The following FSCN2 variants were observed in gnomAD, a reference collection of about 807,000 sequenced individuals.
FSCN2 encodes fascin-2.
A neutral mutation model predicts 37.8 loss-of-function variants in FSCN2; 46 were observed. The ratio of observed to expected loss-of-function variants is 1.22; its 90% CI spans 0.96 to 1.56. The LOEUF is 1.56. Ranked by LOEUF, FSCN2 falls within the 40% of genes most tolerant of loss-of-function variation. The pLI, the probability that FSCN2 is intolerant of heterozygous loss-of-function variation, is 0.00. For missense variants in FSCN2, 844 were observed against 730.4 expected (o/e 1.16, Z -1.79); for synonymous variants, 351 against 309.4 (o/e 1.13, Z -1.41).
intron 1 of FSCN2, 110 bp from the exon 2 acceptor site, chr17:81,534,939 AGGG>A: frequency 1.5e-6 from 1 of 682,356 alleles, no homozygotes; most frequent in Non-Finnish European, 2.3e-6. Flanking sequence ...TCAAGTCAAG[AGGG>A]TTCTAGATGA....
chr17:81,531,171 G>GGTGA (rs1568076749), intron 1 of FSCN2, among the ~76,000 whole-genome samples: 2 of 146,580 alleles, frequency 1.4e-5, no homozygotes, highest in African/African-American at 2.6e-5. Context: ...GATGATGGTG[G>GGTGA]TGATGGTGAT....
At chr17:81,517,834 T>C in the FSCN2 span, among the ~76,000 whole-genome samples, 1,033 of 133,216 alleles carry the variant, frequency 7.8e-3, 10 homozygotes, top group African/African-American at 0.027. Flanking sequence ...CCCCTCAGGG[T>C]GGTTCTTAGC....
At position 81,528,985 on chromosome 17, in the gene FSCN2, G is replaced by C; in HGVS notation, c.454G>C (p.Val152Leu). 3 of 1,584,492 alleles carry C rather than the reference G, an allele frequency of 1.9e-6. No individual in the cohort carries two copies. The highest frequency in any genetic ancestry group is 1.7e-6 in the Non-Finnish European group (2 of 1,170,226). The change falls in exon 1 of 5, where the codon GTG becomes CTG. Residue 152 changes from valine to leucine, a missense_variant. Transcript: ENST00000417245. ...HLLSVSRRRY[V>L]HLCPREDEMA... The stretch of plus-strand genomic sequence containing the variant: ...GCTGAGCGTGAGCCGGCGGCGCTAC[G>C]TGCACCTGTGCCCGCGGGAGGACGA...
At chr17:81,533,381 G>A (rs1799257352) in intron 1 of FSCN2, among the ~76,000 whole-genome samples, 1 of 152,186 alleles carries the variant, frequency 6.6e-6, no homozygotes, top group Non-Finnish European at 1.5e-5. Context: ...GAGAGCCCTG[G>A]GCATGGTGGG....
chr17:81,530,737 A>T (rs2032523317), intron 1 of FSCN2: 1 of 389,292 alleles, frequency 2.6e-6, no homozygotes. Flanking sequence ...GTGCATGGAG[A>T]GGGGAGCCCA....
chr17:81,531,797 GATAATGGTGATGA>G (rs2032637414), intron 1 of FSCN2, among the ~76,000 whole-genome samples: 4 of 76,610 alleles, frequency 5.2e-5, no homozygotes, highest in East Asian at 2.4e-3. Context: ...TGGTGATGAT[GATAATGGTGATGA>G]TGGTGGTGGT....
chr17:81,525,427 A>G (rs1453398381), upstream of FSCN2, among the ~76,000 whole-genome samples: 1 of 145,440 alleles, frequency 6.9e-6, no homozygotes, highest in Non-Finnish European at 1.5e-5. Context: ...CTCTGTCTCA[A>G]AAAAAAAAAA....
At chr17:81,536,020 G>C (rs2032865416) in intron 2 of FSCN2, 126 bp from the exon 3 acceptor site, 1 of 1,187,784 alleles carries the variant, frequency 8.4e-7, no homozygotes, top group Non-Finnish European at 1.2e-6. Context: ...GCGCCTGATG[G>C]TGGTGGGTGT....
chr17:81,528,907 TC>T lies in FSCN2; in HGVS notation c.380del (p.Pro127ArgfsTer18). 1.9e-6 allele frequency: 3 copies of T among 1,587,590 alleles called. No homozygotes were observed. The highest frequency in any genetic ancestry group is 1.7e-5 in the Admixed American group (1 of 57,958). ...DQLSCFATAV[S>X]PAELWTVHLA... ...GCTGTCCTGCTTCGCCACAGCCGTT[TC>T]CCCGGCCGAGCTGTGGACCGTGCAC... On this transcript the variant is annotated frameshift_variant, in exon 1 of 5. Transcript: ENST00000417245. LOFTEE classifies it high-confidence loss of function.
rs1470435605 is a variant in FSCN2, at chr17:81,531,938, AATGGTGATGATG to A, written c.826+2591_826+2602del. On this transcript the variant is annotated intron_variant, in intron 1 of 4. Coordinates refer to ENST00000417245, the MANE Select transcript of FSCN2 (RefSeq NM_012418.4). ...TGATGGTGATGGTGATAGTGATGAT[AATGGTGATGATG>A]ATGGTGATGGTGATAGTGATGATAA... Among the ~76,000 whole-genome samples the A allele has an allele frequency of 7.1e-4, 22 of 30,798 alleles. No homozygotes were observed. The East Asian group carries it at 0.026, about 36-fold the overall frequency. The allele number at this position is 30,798 out of a possible 152,430, so 20.2% of individuals were successfully genotyped here. A position where few individuals can be genotyped will look rare whatever the true frequency, so the allele number is the denominator to read the frequency against.
the FSCN2 span, among the ~76,000 whole-genome samples, chr17:81,522,542 C>T: frequency 6.6e-6 from 1 of 152,230 alleles, no homozygotes; most frequent in African/African-American, 2.4e-5. Context: ...CTTTCCTTTC[C>T]CCAGCACGGT....
chr17:81,519,518 C>T, the FSCN2 span, among the ~76,000 whole-genome samples: 1 of 152,144 alleles, frequency 6.6e-6, no homozygotes, highest in Non-Finnish European at 1.5e-5. Flanking sequence ...CCACCTGGGC[C>T]GCCAGGTGGG....
rs1386316260 is a variant in FSCN2 at position 81,536,981 on chromosome 17, C to T, written c.1380C>T (p.Ala460=). The T allele has an allele frequency of 2.6e-6, 4 of 1,534,982 alleles. No individual in the cohort carries two copies. The highest frequency in any genetic ancestry group is 2.0e-5 in the Admixed American group (1 of 50,290). ...VFEFRERGRL[A]IRARSGKYLR... ...AGTTCCGTGAGCGCGGCCGCCTGGC[C>T]ATCCGCGCCCGGAGCGGCAAGTACC... The change falls in exon 5 of 5, where the codon GCC becomes GCT. Residue 460 remains alanine (A), a synonymous_variant. Transcript: ENST00000417245.
chr17:81,524,892 T>TACACACACAC (rs1598564527), upstream of FSCN2, among the ~76,000 whole-genome samples: 1 of 22,114 alleles, frequency 4.5e-5, no homozygotes, highest in South Asian at 2.0e-3. Context: ...CATGAGCACC[T>TACACACACAC]TCACACACAC....
rs2032887912 is a variant in FSCN2, at chr17:81,536,631, A to G, written c.1115A>G (p.Glu372Gly). Residue 372 changes from glutamate to glycine, a missense_variant, in exon 4 of 5, where the codon GAA becomes GGA. Transcript: ENST00000417245. The part of the protein sequence containing the change: ...AAISDFVGKD[E>G]EFTLKLINRP... ...ACGCTCTCCCCGCCAGGCAAGGACG[A>G]AGAGTTCACCCTCAAGCTCATCAAC... The G allele has an allele frequency of 7.5e-6, 12 of 1,609,988 alleles. No individual in the cohort carries two copies. The highest frequency in any genetic ancestry group is 1.0e-5 in the Non-Finnish European group (12 of 1,179,688).
chr17:81,529,454 CTG>C, intron 1 of FSCN2, 97 bp downstream of exon 1: 2 of 967,282 alleles, frequency 2.1e-6, no homozygotes, highest in African/African-American at 1.6e-5. Flanking sequence ...GGTATCGTGT[CTG>C]TGCGTTCACA....
At chr17:81,532,227 A>G (rs572993560) in intron 1 of FSCN2, among the ~76,000 whole-genome samples, 3,636 of 103,320 alleles carry the variant, frequency 0.035, 74 homozygotes, top group Non-Finnish European at 0.048. Flanking sequence ...GGTGATGATG[A>G]TAATGGTGAT....
intron 1 of FSCN2, among the ~76,000 whole-genome samples, chr17:81,532,858 C>T (rs143351497): frequency 0.74 from 113,085 of 151,862 alleles, 42,653 homozygotes; most frequent in Non-Finnish European, 0.81. Context: ...TGCATCTGAC[C>T]CTATCATCCC....
intron 1 of FSCN2, among the ~76,000 whole-genome samples, chr17:81,533,763 C>T (rs1025744745): frequency 6.6e-6 from 1 of 152,226 alleles, no homozygotes; most frequent in South Asian, 2.1e-4. Context: ...GCCATGTCCC[C>T]GGAAGCAGGT....
Sources: allele counts gnomAD v4.1 joint callset (sites outside exome capture counted in the v4.1 genomes callset), GRCh38; gene constraint gnomAD v4.1.1; transcripts MANE v1.5; gene names NCBI Gene and HGNC (gene_info 2026-07-23, HGNC 2026-07-21).